TUT7: variants seen among roughly 807,000 people sequenced by gnomAD.
TUT7 encodes the protein terminal uridylyl transferase 7.
A neutral mutation model predicts 165.9 loss-of-function variants in TUT7; 33 were observed. The ratio of observed to expected loss-of-function variants is 0.20; its 90% CI spans 0.15 to 0.27. The LOEUF (loss-of-function observed/expected upper bound fraction) is 0.27. TUT7 is among the 10% of genes least tolerant of loss of function. TUT7 has a pLI of 1.00. For missense variants in TUT7, 1,338 were observed against 1,762.3 expected (o/e 0.76, Z 4.31); for synonymous variants, 552 against 608.1 (o/e 0.91, Z 1.36).
chr9:86,304,483 C>G (rs1827265053), intron 24 of TUT7, among the ~76,000 whole-genome samples: 1 of 151,994 alleles, frequency 6.6e-6, no homozygotes, highest in Non-Finnish European at 1.5e-5. Flanking sequence ...TTTTTGCAAG[C>G]AGATTGGAAA....
At position 86,308,508 on chromosome 9, in the gene TUT7, T is replaced by C; in HGVS notation, c.3759A>G (p.Glu1253=). 1 of 1,614,130 alleles carries C rather than the reference T, an allele frequency of 6.2e-7. No homozygotes were observed. The highest frequency in any genetic ancestry group is 8.5e-7 in the Non-Finnish European group (1 of 1,179,982). ...RFYTEEFDFK[E]HVISIRRKSL... ...TTTTTCTCCTGATGCTAATAACATG[T>C]TCTTTAAAATCAAATTCCTCTGTGT... Residue 1253 remains glutamate, a synonymous_variant, in exon 22 of 27, where the codon GAA becomes GAG. Transcript: ENST00000375963.
intron 24 of TUT7, 47 bp downstream of exon 24, chr9:86,304,809 G>T: frequency 7.7e-7 from 1 of 1,299,002 alleles, no homozygotes; most frequent in South Asian, 1.3e-5. Flanking sequence ...GTACAAATTA[G>T]GCACTTTTTT....
chr9:86,341,050 A>G lies in TUT7; in HGVS notation c.1090T>C (p.Ser364Pro). ...ACAAGTAAGAGGACATCTGGCTGAGACATCTAGGAAATAAATCAATGAATA... is the reference window on the plus strand; with the variant it reads ...ACAAGTAAGAGGACATCTGGCTGAGGCATCTAGGAAATAAATCAATGAATA... ...NIDIQFPAIM[S>P]QPDVLLLVQE... Residue 364 changes from serine to proline, a missense_variant, in exon 7 of 27, where the codon TCT (serine) becomes CCT (proline). Transcript: ENST00000375963. The G allele has an allele frequency of 6.2e-7, 1 of 1,611,300 alleles. No homozygotes were observed. The highest frequency in any genetic ancestry group is 1.3e-5 in the African/African-American group (1 of 74,998).
chr9:86,306,473 G>A (rs1827495154), intron 22 of TUT7, among the ~76,000 whole-genome samples: 1 of 152,188 alleles, frequency 6.6e-6, no homozygotes. Flanking sequence ...TTTGCTTGGT[G>A]TAGTGGAGAT....
chr9:86,337,498 G>C lies in TUT7; in HGVS notation c.1376C>G (p.Pro459Arg). The change falls in exon 10 of 27, where the codon CCT becomes CGT. Residue 459 changes from proline to arginine, a missense_variant. Physicochemically the swap from Pro to Arg is moderately radical, Grantham distance 103. Transcript: ENST00000375963. ...AATGGCCATCAGGGCAAACACATAA[G>C]GTGGCAGACCTCCTTCTTCAGGGCG... is the stretch of plus-strand genomic sequence containing the variant. ...IDRPEEGGLP[P>R]YVFALMAIFF... 1.2e-6 allele frequency: 2 copies of C among 1,613,846 alleles called. No homozygotes were observed. The highest frequency in any genetic ancestry group is 1.7e-6 in the Non-Finnish European group (2 of 1,179,850).
intron 10 of TUT7, among the ~76,000 whole-genome samples, chr9:86,334,833 AAG>A (rs1295858862): frequency 6.6e-6 from 1 of 152,074 alleles, no homozygotes; most frequent in Non-Finnish European, 1.5e-5. Context: ...TCTGGCCAGG[AAG>A]AGGACTGATT....
intron 16 of TUT7, among the ~76,000 whole-genome samples, chr9:86,317,931 A>G (rs1828875826): frequency 6.6e-6 from 1 of 152,206 alleles, no homozygotes; most frequent in African/African-American, 2.4e-5. Context: ...ATGTAAAAAA[A>G]TAAATAAATA....
intron 10 of TUT7, among the ~76,000 whole-genome samples, chr9:86,335,269 C>G (rs1169179584): frequency 1.3e-5 from 2 of 152,082 alleles, no homozygotes; most frequent in Non-Finnish European, 1.5e-5. Context: ...TGAAAATCAC[C>G]CTTTTTTCTA....
At chr9:86,340,943 AAGAT>A (rs1554709244) in intron 7 of TUT7, 55 bp downstream of exon 7, 1 of 1,334,724 alleles carries the variant, frequency 7.5e-7, no homozygotes, top group East Asian at 2.3e-5. Context: ...TTTGAGAAAT[AAGAT>A]AGATCCAAAT....
At chr9:86,346,916 A>G (rs1329932653) in intron 2 of TUT7, among the ~76,000 whole-genome samples, 1 of 152,172 alleles carries the variant, frequency 6.6e-6, no homozygotes, top group Non-Finnish European at 1.5e-5. Context: ...AACCAGCCAC[A>G]TTTGCTTTCA....
intron 26 of TUT7, among the ~76,000 whole-genome samples, chr9:86,290,725 C>T (rs1320054423): frequency 1.3e-5 from 2 of 150,270 alleles, no homozygotes; most frequent in African/African-American, 4.9e-5. Flanking sequence ...TGGGTTATGG[C>T]AGTGGCACAC....
chr9:86,319,970 C>A (rs895784962), intron 14 of TUT7, among the ~76,000 whole-genome samples: 1 of 152,096 alleles, frequency 6.6e-6, no homozygotes, highest in Non-Finnish European at 1.5e-5. Flanking sequence ...GTAGCTGGGA[C>A]TATAGGCATG....
intron 14 of TUT7, 105 bp downstream of exon 14, chr9:86,322,220 G>C: frequency 1.0e-6 from 1 of 1,001,406 alleles, no homozygotes; most frequent in Non-Finnish European, 1.5e-6. Context: ...GAATAGACTT[G>C]GTCCCTAATA....
intron 10 of TUT7, among the ~76,000 whole-genome samples, chr9:86,336,324 T>C (rs1450362155): frequency 6.6e-6 from 1 of 152,180 alleles, no homozygotes; most frequent in Non-Finnish European, 1.5e-5. Flanking sequence ...CTCTTGCTCT[T>C]TTTTCTACCA....
chr9:86,291,572 C>CAAAAAA (rs969598470), intron 26 of TUT7, among the ~76,000 whole-genome samples: 5 of 48,052 alleles, frequency 1.0e-4, no homozygotes, highest in South Asian at 6.8e-4. Context: ...AACTCCATCT[C>CAAAAAA]AAAAAAAAAA....
At chr9:86,345,579 A>C (rs750403195) in intron 4 of TUT7, 90 bp downstream of exon 4, 35 of 908,264 alleles carry the variant, frequency 3.9e-5, no homozygotes, top group Non-Finnish European at 5.4e-5. Flanking sequence ...AGTTATCAAT[A>C]TCATAGCCTT....
intron 24 of TUT7, among the ~76,000 whole-genome samples, chr9:86,303,558 A>AT (rs1272012690): frequency 6.6e-6 from 1 of 152,220 alleles, no homozygotes; most frequent in Non-Finnish European, 1.5e-5. Context: ...GAAAAGGCTA[A>AT]AACATAATGA....
intron 13 of TUT7, 71 bp downstream of exon 13, chr9:86,322,802 A>G: frequency 2.0e-6 from 3 of 1,481,514 alleles, no homozygotes; most frequent in Non-Finnish European, 2.7e-6. Flanking sequence ...CTAGTATATA[A>G]AAATTGAAAT....
chr9:86,322,418 G>T lies in TUT7; in HGVS notation c.2935C>A (p.Pro979Thr). 1 of 1,614,090 alleles carries T rather than the reference G, an allele frequency of 6.2e-7. No individual in the cohort carries two copies. The highest frequency in any genetic ancestry group is 8.5e-7 in the Non-Finnish European group (1 of 1,179,972). Residue 979 changes from proline (P) to threonine (T), a missense_variant, in exon 14 of 27, where the codon CCT becomes ACT. Physicochemically the swap from Pro to Thr is conservative, Grantham distance 38 (BLOSUM62 -1). Coordinates refer to ENST00000375963, the MANE Select transcript of TUT7 (RefSeq NM_024617.4). ...KREGHLKKDC[P>T]EDFKRIQLEP... ...AGCTGGATTCTTTTGAAGTCTTCAG[G>T]ACAGTCCTTCTTTAGATGACCCTCT...
Sources: gnomAD v4.1 joint callset for allele counts (sites outside exome capture counted in the v4.1 genomes callset) on GRCh38, gnomAD v4.1.1 for gene constraint, MANE v1.5 for transcripts, NCBI Gene and HGNC (gene_info 2026-07-23, HGNC 2026-07-21) for gene names.